Variants in RARB observed in about 807,000 individuals in gnomAD.
The protein encoded by RARB is retinoic acid receptor beta.
Under a neutral mutation model 51.9 loss-of-function variants are expected in RARB, and 17 were observed. That is an observed-to-expected ratio of 0.33 (90% CI 0.22 to 0.49). The LOEUF is 0.49. RARB is among the 20% of genes least tolerant of loss of function. The pLI is 0.99. For synonymous variants in RARB, 215 were observed against 195.4 expected, an observed-to-expected ratio of 1.10 and a Z score of -0.84; for missense variants, 369 against 550.8, an observed-to-expected ratio of 0.67 and a Z score of 3.30.
intron 5 of RARB, among the ~76,000 whole-genome samples, chr3:25,414,017 C>G (rs1422995678): frequency 6.6e-6 from 1 of 152,094 alleles, no homozygotes; most frequent in African/African-American, 2.4e-5. Flanking sequence ...CCACCACCAC[C>G]ACCACCCAGA....
chr3:25,290,187 C>G (rs1703751310), intron 5 of RARB, among the ~76,000 whole-genome samples: 1 of 152,140 alleles, frequency 6.6e-6, no homozygotes, highest in African/African-American at 2.4e-5. Flanking sequence ...GAAGACCTAT[C>G]CCCCAGGACT....
At chr3:24,986,330 A>C (rs1229770414) in intron 2 of RARB, among the ~76,000 whole-genome samples, 1 of 152,216 alleles carries the variant, frequency 6.6e-6, no homozygotes, top group Admixed American at 6.5e-5. Flanking sequence ...TATTAGTCAA[A>C]TTTCCAACTT....
At chr3:24,843,994 A>T (rs564985981) in intron 1 of RARB, among the ~76,000 whole-genome samples, 2 of 152,172 alleles carry the variant, frequency 1.3e-5, no homozygotes, top group South Asian at 4.2e-4. Context: ...ACATCAATAG[A>T]ACATCCCTCA....
chr3:25,536,548 G>T (rs145744095), intron 3 of RARB, among the ~76,000 whole-genome samples: 2 of 152,160 alleles, frequency 1.3e-5, no homozygotes, highest in African/African-American at 2.4e-5. Flanking sequence ...CAAACCATTC[G>T]TTAGAAAGTA....
intron 5 of RARB, among the ~76,000 whole-genome samples, chr3:25,297,288 A>G (rs1031512940): frequency 6.6e-6 from 1 of 152,150 alleles, no homozygotes; most frequent in Non-Finnish European, 1.5e-5. Flanking sequence ...TAGACCTATA[A>G]CTGAAACATA....
chr3:25,243,278 T>C (rs554023779), intron 5 of RARB, among the ~76,000 whole-genome samples: 2 of 152,332 alleles, frequency 1.3e-5, no homozygotes, highest in Non-Finnish European at 2.9e-5. Flanking sequence ...ACTTCCTCTC[T>C]TCCTGTTTGA....
intron 2 of RARB, among the ~76,000 whole-genome samples, chr3:24,878,754 TC>T (rs1703100233): frequency 6.6e-6 from 1 of 152,160 alleles, no homozygotes; most frequent in Non-Finnish European, 1.5e-5. Flanking sequence ...ACCACTCCTG[TC>T]GGGTGATCTG....
At chr3:25,269,183 T>C (rs1703194289) in intron 5 of RARB, among the ~76,000 whole-genome samples, 1 of 152,194 alleles carries the variant, frequency 6.6e-6, no homozygotes. Context: ...TGTTAAATAA[T>C]AGCAAACAAA....
chr3:25,235,701 G>T (rs1293981402), intron 5 of RARB, among the ~76,000 whole-genome samples: 2 of 152,166 alleles, frequency 1.3e-5, no homozygotes, highest in Non-Finnish European at 2.9e-5. Flanking sequence ...GGGTAATAGG[G>T]CAGAATGAAG....
At chr3:25,035,329 C>G (rs1697967196) in intron 2 of RARB, among the ~76,000 whole-genome samples, 1 of 151,648 alleles carries the variant, frequency 6.6e-6, no homozygotes, top group Admixed American at 6.6e-5. Context: ...GCCATGTTGC[C>G]CAGGCTGGTC....
At position 25,359,412 on chromosome 3, in the gene RARB, T is replaced by TA. The variant is rs201183695; in HGVS notation, c.179-101774dup. Among the ~76,000 whole-genome samples, 480 of 151,272 alleles carry TA rather than the reference T, an allele frequency of 3.2e-3. 3 individuals carry two copies. Among genetic ancestry groups the TA allele is most frequent in the Non-Finnish European group, 5.2e-3 (351 of 67,746 alleles). ...TGGTCTATCTATTTTGTTAATTTTTTAAAAAAATACCACCTCCTGGATTCA... is the reference window on the plus strand; with the variant it reads ...TGGTCTATCTATTTTGTTAATTTTTTAAAAAAAATACCACCTCCTGGATTCA... On this transcript the variant is annotated intron_variant, in intron 5 of 11. Transcript: ENST00000383772.
intron 5 of RARB, among the ~76,000 whole-genome samples, chr3:25,256,016 T>C (rs1702856073): frequency 6.6e-6 from 1 of 152,172 alleles, no homozygotes; most frequent in Non-Finnish European, 1.5e-5. Flanking sequence ...TAATGTATCA[T>C]ATCATGTAAA....
At chr3:24,862,371 A>G (rs1702768586) in intron 2 of RARB, among the ~76,000 whole-genome samples, 1 of 152,182 alleles carries the variant, frequency 6.6e-6, no homozygotes, top group African/African-American at 2.4e-5. Flanking sequence ...TGAAGTTTCC[A>G]AGATTACCTG....
At chr3:25,138,476 T>G (rs1236676642) in intron 4 of RARB, among the ~76,000 whole-genome samples, 2 of 152,056 alleles carry the variant, frequency 1.3e-5, no homozygotes, top group African/African-American at 2.4e-5. Context: ...AGACCAATAT[T>G]CAACTTGCAT....
chr3:24,844,938 T>C (rs1702467935), intron 1 of RARB, among the ~76,000 whole-genome samples: 1 of 152,180 alleles, frequency 6.6e-6, no homozygotes, highest in Non-Finnish European at 1.5e-5. Flanking sequence ...TATGGTGAAA[T>C]CACAATGACC....
At chr3:24,999,826 C>T (rs1199651292) in intron 2 of RARB, among the ~76,000 whole-genome samples, 5 of 152,174 alleles carry the variant, frequency 3.3e-5, no homozygotes, top group Non-Finnish European at 1.5e-5. Context: ...GTTTTAACTT[C>T]AGGGACGTTT....
chr3:25,109,738 G>T (rs73047735), intron 3 of RARB, among the ~76,000 whole-genome samples: 8 of 152,120 alleles, frequency 5.3e-5, no homozygotes, highest in Non-Finnish European at 7.4e-5. Context: ...TTCCGTGAGC[G>T]TTACGTCAGC....
intron 2 of RARB, among the ~76,000 whole-genome samples, chr3:25,494,255 A>ACGCGCGCGCGCGCACG (rs1559433100): frequency 1.4e-4 from 21 of 149,472 alleles, no homozygotes; most frequent in African/African-American, 5.2e-4. Flanking sequence ...TATCTTACGC[A>ACGCGCGCGCGCGCACG]CACACACACA....
chr3:25,492,809 A>G (rs1228277465), intron 2 of RARB, among the ~76,000 whole-genome samples: 1 of 152,122 alleles, frequency 6.6e-6, no homozygotes, highest in Non-Finnish European at 1.5e-5. Context: ...AAGGGAATTG[A>G]AAGGAGACTT....
Sources: gnomAD v4.1 joint callset for allele counts (sites outside exome capture counted in the v4.1 genomes callset) on GRCh38, gnomAD v4.1.1 for gene constraint, MANE v1.5 for transcripts, NCBI Gene and HGNC (gene_info 2026-07-23, HGNC 2026-07-21) for gene names.